FCRL2: variants seen among roughly 807,000 people sequenced by gnomAD.
FCRL2 encodes Fc receptor-like protein 2.
In FCRL2, 48 loss-of-function variants were observed where a neutral mutation model predicts 59.8. That is an observed-to-expected ratio of 0.80 (90% CI 0.64 to 1.02). The LOEUF (loss-of-function observed/expected upper bound fraction) is 1.02, where lower values mean the gene tolerates loss of function less well. Ranked by LOEUF, FCRL2 falls within the 50% of genes least tolerant of loss-of-function variation. The pLI is 0.00. For missense variants in FCRL2, 658 were observed against 597.3 expected (o/e 1.10, Z -1.06); for synonymous variants, 251 against 229.5 (o/e 1.09, Z -0.85).
Position 157,770,232 on chromosome 1 carries a change from A to G in FCRL2, c.311-82T>C, listed in dbSNP as rs2101751007. On this transcript the variant is annotated intron_variant, in intron 3 of 11. Coordinates refer to ENST00000361516, the MANE Select transcript of FCRL2 (RefSeq NM_030764.4). ...AAAGCCTCTGGCAAGAAGCAACCCC[A>G]GCAAACAGGACATTCAGAGCTAGAC... 3 of 1,526,738 alleles carry G rather than the reference A, an allele frequency of 2.0e-6. No individual in the cohort carries two copies. In the South Asian group the frequency reaches 3.7e-5, roughly 19 times the overall value. The allele number at this position is 1,526,738 out of a possible 1,614,324, so 94.6% of individuals were successfully genotyped here.
At chr1:157,773,537 G>A (rs1035617726) in intron 2 of FCRL2, among the ~76,000 whole-genome samples, 4 of 152,170 alleles carry the variant, frequency 2.6e-5, no homozygotes, top group Non-Finnish European at 4.4e-5. Context: ...CTACCTATAG[G>A]GTAGACATAA....
At chr1:157,772,831 ATG>A (rs1369625848) in intron 2 of FCRL2, among the ~76,000 whole-genome samples, 1 of 152,198 alleles carries the variant, frequency 6.6e-6, no homozygotes, top group Non-Finnish European at 1.5e-5. Context: ...ATATCTAGCT[ATG>A]TGTTTACTTA....
rs751820080 is a variant in FCRL2, at chr1:157,746,260, A to G, written c.*476T>C. ...TCTATGAAGCCAGCATCAGCCTGATACAAACATTCTGGCAGAGACACAGTG... is the reference window on the plus strand; with the variant it reads ...TCTATGAAGCCAGCATCAGCCTGATGCAAACATTCTGGCAGAGACACAGTG... On this transcript the variant is annotated 3_prime_UTR_variant, in exon 12 of 12. Coordinates refer to ENST00000361516, the MANE Select transcript of FCRL2 (RefSeq NM_030764.4). The G allele has an allele frequency of 6.3e-6, 1 of 158,078 alleles. No individual in the cohort carries two copies. Among genetic ancestry groups the G allele is most frequent in the African/African-American group, 2.4e-5 (1 of 41,520 alleles). The allele number at this position is 158,078 out of a possible 1,614,324, so 9.8% of individuals were successfully genotyped here. A position where few individuals can be genotyped will look rare whatever the true frequency, so the allele number is the denominator to read the frequency against.
intron 5 of FCRL2, 44 bp downstream of exon 5, chr1:157,768,370 T>C (rs748862009): frequency 6.3e-7 from 1 of 1,585,348 alleles, no homozygotes; most frequent in Non-Finnish European, 8.6e-7. Flanking sequence ...ATCATGACCT[T>C]GGTCTGGGAA....
chr1:157,765,919 G>T (rs1176582662), intron 7 of FCRL2, among the ~76,000 whole-genome samples: 1 of 152,166 alleles, frequency 6.6e-6, no homozygotes, highest in Non-Finnish European at 1.5e-5. Context: ...GAATCAACAT[G>T]TTAAAAGTCT....
Position 157,746,700 on chromosome 1 carries a change from C to T in FCRL2, c.*36G>A, listed in dbSNP as rs750235599. 5.6e-6 allele frequency: 9 copies of T among 1,604,144 alleles called. No homozygotes were observed. The highest frequency in any genetic ancestry group is 1.6e-4 in the Middle Eastern group (1 of 6,064). On this transcript the variant is annotated 3_prime_UTR_variant, in exon 12 of 12. Transcript: ENST00000361516. ...TAGCAAGTCTTAATGATGCCCCATC[C>T]TTGCTGTTGATCTTCCCTTCTGATT...
At chr1:157,767,901 A>T (rs1001612068) in intron 5 of FCRL2, 5 of 410,552 alleles carry the variant, frequency 1.2e-5, no homozygotes, top group Non-Finnish European at 2.0e-5. Context: ...ATATTTAGGT[A>T]TGTTTATTCA....
chr1:157,761,413 C>T (rs542857609), intron 7 of FCRL2, among the ~76,000 whole-genome samples: 9 of 152,162 alleles, frequency 5.9e-5, no homozygotes, highest in Middle Eastern at 3.4e-3. Context: ...CTCAGGAGTT[C>T]GAGACCAGCC....
intron 8 of FCRL2, 90 bp from the exon 9 acceptor site, chr1:157,749,050 C>G: frequency 1.8e-6 from 2 of 1,108,226 alleles, no homozygotes; most frequent in African/African-American, 3.1e-5. Context: ...CAGGTGGAAG[C>G]CCTGCAGCCA....
chr1:157,758,156 T>A (rs773342939), intron 7 of FCRL2, among the ~76,000 whole-genome samples: 44 of 152,148 alleles, frequency 2.9e-4, no homozygotes, highest in Non-Finnish European at 6.0e-4. Flanking sequence ...CTTTCTCGTT[T>A]TGTAAGTGAG....
chr1:157,769,667 T>C, intron 4 of FCRL2, 199 bp downstream of exon 4: 1 of 532,112 alleles, frequency 1.9e-6, no homozygotes, highest in Non-Finnish European at 3.4e-6. Flanking sequence ...GACCTCATGA[T>C]CTGCCCGTCT....
At chr1:157,767,773 T>C in intron 5 of FCRL2, 2 of 1,275,988 alleles carry the variant, frequency 1.6e-6, no homozygotes, top group African/African-American at 1.5e-5. Context: ...CCAGCCCTCT[T>C]CATATTTCTT....
intron 10 of FCRL2, among the ~76,000 whole-genome samples, 173 bp downstream of exon 10, chr1:157,748,380 A>C (rs1434756814): frequency 6.6e-6 from 1 of 152,054 alleles, no homozygotes; most frequent in Non-Finnish European, 1.5e-5. Context: ...CTGACATTGC[A>C]CCACTGCACT....
rs556188915 is a variant in FCRL2, at chr1:157,751,903, C to CAGCAAACCAAAAGCAAA, written c.1280-2227_1280-2226insTTTGCTTTTGGTTTGCT. ...AGCTGATTTTCTCAACCGAGCAAAC[C>CAGCAAACCAAAAGCAAA]TGGAGAGTCAGCTTTTTCAGAGCCA... On this transcript the variant is annotated intron_variant, in intron 7 of 11. Coordinates refer to ENST00000361516, the MANE Select transcript of FCRL2 (RefSeq NM_030764.4). Among the ~76,000 whole-genome samples the CAGCAAACCAAAAGCAAA allele has an allele frequency of 4.2e-3, 642 of 152,284 alleles. 3 individuals are homozygous for CAGCAAACCAAAAGCAAA. The highest frequency in any genetic ancestry group is 0.013 in the African/African-American group (535 of 41,566).
At position 157,748,851 on chromosome 1, in the gene FCRL2, GCCCTT is replaced by G. The variant is rs1478586220; in HGVS notation, c.1393+19_1393+23del. On this transcript the variant is annotated intron_variant, in intron 9 of 11. Coordinates refer to ENST00000361516, the MANE Select transcript of FCRL2 (RefSeq NM_030764.4). ...CTTTCTTTTCTGACTCAGCCTCAGA[GCCCTT>G]CCCAGTGGAGACACTCACCATTGAC... The G allele has an allele frequency of 6.2e-7, 1 of 1,606,434 alleles. No homozygotes were observed.
Position 157,768,647 on chromosome 1 carries a change from G to T in FCRL2, c.650C>A (p.Thr217Asn), listed in dbSNP as rs530956948. 2.4e-5 allele frequency: 39 copies of T among 1,614,020 alleles called. No individual in the cohort carries two copies. The highest frequency in any genetic ancestry group is 3.3e-5 in the Non-Finnish European group (39 of 1,180,018). The change falls in exon 5 of 12, where the codon ACT (threonine) becomes AAT (asparagine). Residue 217 changes from threonine (T) to asparagine (N), a missense_variant. Physicochemically the swap from Thr to Asn is moderately conservative, Grantham distance 65 (BLOSUM62 0). Coordinates refer to ENST00000361516, the MANE Select transcript of FCRL2 (RefSeq NM_030764.4). ...LEIRAPGGQV[T>N]EGQKLILLCS... is the part of the protein sequence containing the mutation. ...GAGCAGGATCAGTTTTTGTCCTTCA[G>T]TCACCTGTCCCCCGGGGGCCCGGAT...
In FCRL2 at chr1:157,748,988, T is replaced by A. The variant is rs200510763; in HGVS notation, c.1308-28A>T. On this transcript the variant is annotated intron_variant, in intron 8 of 11. Transcript: ENST00000361516. Reference sequence around the variant, plus strand: ...GTGAGAAAGTGAATTAATTGTATGATAATCCCCAGGGCAGTGAGTGAGAAC... The same window carrying A: ...GTGAGAAAGTGAATTAATTGTATGAAAATCCCCAGGGCAGTGAGTGAGAAC... 1,566 of 1,591,984 alleles carry A rather than the reference T, an allele frequency of 9.8e-4. 2 individuals carry two copies. The highest frequency in any genetic ancestry group is 1.3e-3 in the Non-Finnish European group (1,480 of 1,160,308).
intron 3 of FCRL2, 92 bp from the exon 4 acceptor site, chr1:157,770,242 A>G: frequency 6.7e-7 from 1 of 1,502,472 alleles, no homozygotes; most frequent in South Asian, 1.3e-5. Flanking sequence ...AGCAAACAGG[A>G]CATTCAGAGC....
In FCRL2 at chr1:157,777,110, C is replaced by G. The variant is rs1383696925; in HGVS notation, c.-37G>C. On this transcript the variant is annotated 5_prime_UTR_variant, in exon 1 of 12. Transcript: ENST00000361516. ...CCAGCTATTTGAAAAGAGATGTACTCTTGGTCACCAACTGGAGACTCTGAG... is the reference window on the plus strand; with the variant it reads ...CCAGCTATTTGAAAAGAGATGTACTGTTGGTCACCAACTGGAGACTCTGAG... 2 of 1,614,120 alleles carry G rather than the reference C, an allele frequency of 1.2e-6. No individual in the cohort carries two copies. The highest frequency in any genetic ancestry group is 2.2e-5 in the South Asian group (2 of 91,062).
Sources: gnomAD v4.1 joint callset for allele counts (sites outside exome capture counted in the v4.1 genomes callset) on GRCh38, gnomAD v4.1.1 for gene constraint, MANE v1.5 for transcripts, NCBI Gene and HGNC (gene_info 2026-07-23, HGNC 2026-07-21) for gene names.